The following VIPR1 variants were observed in gnomAD, a reference collection of about 807,000 sequenced individuals.
The protein encoded by VIPR1 is vasoactive intestinal polypeptide receptor 1.
In VIPR1, 59 loss-of-function variants were observed where a neutral mutation model predicts 58.8. The ratio of observed to expected loss-of-function variants is 1.00; its 90% CI spans 0.81 to 1.25. The LOEUF is 1.25. Ranked by LOEUF, VIPR1 falls within the 50% of genes most tolerant of loss-of-function variation. The pLI is 0.00. For missense variants in VIPR1, 626 were observed against 602.7 expected (o/e 1.04, Z -0.40); for synonymous variants, 251 against 242.1 (o/e 1.04, Z -0.34).
At chr3:42,513,653 T>A in intron 1 of VIPR1, 96 bp from the exon 2 acceptor site, 2 of 1,283,270 alleles carry the variant, frequency 1.6e-6, no homozygotes, top group Non-Finnish European at 2.2e-6. Flanking sequence ...AACTTGGATC[T>A]CTTCCAGGGA....
At chr3:42,496,102 T>C (rs1699754321) in intron 1 of VIPR1, among the ~76,000 whole-genome samples, 5 of 152,118 alleles carry the variant, frequency 3.3e-5, no homozygotes, top group Admixed American at 2.6e-4. Flanking sequence ...CCAGGCGTGG[T>C]GGCGTGTGCC....
chr3:42,524,700 T>C (rs1296971351), intron 3 of VIPR1, among the ~76,000 whole-genome samples: 1 of 152,138 alleles, frequency 6.6e-6, no homozygotes, highest in African/African-American at 2.4e-5. Context: ...CCTGAGCTCA[T>C]AGAACAGCTT....
chr3:42,535,053 T>C lies in VIPR1; in HGVS notation c.1089T>C (p.Asn363=). The part of the protein sequence containing the change: ...HYIMFAFFPD[N]FKPEVKMVFE... ...TCATGTTCGCCTTCTTTCCGGACAA[T>C]TTTAAGCCTGAAGTGAAGATGGTCT... is the stretch of plus-strand genomic sequence containing the variant. The change falls in exon 11 of 13, where the codon AAT becomes AAC. Residue 363 remains asparagine, a synonymous_variant. Transcript: ENST00000325123. 6.2e-7 allele frequency: 1 copy of C among 1,614,216 alleles called. No homozygotes were observed. The highest frequency in any genetic ancestry group is 8.5e-7 in the Non-Finnish European group (1 of 1,180,034).
At chr3:42,531,249 T>G in intron 7 of VIPR1, 1 of 617,394 alleles carries the variant, frequency 1.6e-6, no homozygotes, top group South Asian at 2.0e-5. Flanking sequence ...AGAAAGAGAA[T>G]GTCCGTCTAG....
At chr3:42,495,724 C>T (rs1236778763) in intron 1 of VIPR1, among the ~76,000 whole-genome samples, 1 of 152,030 alleles carries the variant, frequency 6.6e-6, no homozygotes, top group East Asian at 1.9e-4. Flanking sequence ...CAGAGAGAGT[C>T]ACATGGCTAG....
chr3:42,511,535 C>CTCT (rs1466197457), intron 1 of VIPR1, among the ~76,000 whole-genome samples: 12 of 152,030 alleles, frequency 7.9e-5, no homozygotes, highest in Non-Finnish European at 1.8e-4. Context: ...GGACATGGCA[C>CTCT]CAGAAGAGAG....
intron 1 of VIPR1, chr3:42,492,269 T>C (rs1027167089): frequency 2.6e-5 from 4 of 152,318 alleles, no homozygotes; most frequent in African/African-American, 9.7e-5. Flanking sequence ...GCAAACATCT[T>C]CCTGGCCTCC....
At chr3:42,531,428 T>G in intron 7 of VIPR1, 43 bp from the exon 8 acceptor site, 7 of 1,552,182 alleles carry the variant, frequency 4.5e-6, no homozygotes, top group Non-Finnish European at 6.1e-6. Flanking sequence ...TACCCCTGCT[T>G]CCTGTGCCCT....
Position 42,519,262 on chromosome 3 carries a change from C to G in VIPR1, c.224C>G (p.Ala75Gly). The change falls in exon 3 of 13, where the codon GCC becomes GGC. Residue 75 changes from alanine to glycine, a missense_variant. Transcript: ENST00000325123. Reference sequence around the variant, plus strand: ...TGGGACAACCTCACCTGCTGGCCAGCCACCCCTCGGGGCCAGGTAGTTGTC... The same window carrying G: ...TGGGACAACCTCACCTGCTGGCCAGGCACCCCTCGGGGCCAGGTAGTTGTC... ...KMWDNLTCWPATPRGQVVVLA... is the reference protein window; with the variant it reads ...KMWDNLTCWPGTPRGQVVVLA... The G allele has an allele frequency of 6.2e-7, 1 of 1,610,654 alleles. No homozygotes were observed. The highest frequency in any genetic ancestry group is 8.5e-7 in the Non-Finnish European group (1 of 1,178,490).
intron 3 of VIPR1, among the ~76,000 whole-genome samples, chr3:42,520,767 G>T (rs1700876289): frequency 6.6e-6 from 1 of 152,166 alleles, no homozygotes; most frequent in Non-Finnish European, 1.5e-5. Context: ...CGTTTGTAAA[G>T]TGGGGATAGG....
At chr3:42,512,921 A>ATC in intron 1 of VIPR1, 1 of 985,420 alleles carries the variant, frequency 1.0e-6, no homozygotes, top group Non-Finnish European at 1.2e-6. Flanking sequence ...CTAGACAGCC[A>ATC]TCACCCCCAC....
At chr3:42,504,748 G>C (rs185742082) in intron 1 of VIPR1, among the ~76,000 whole-genome samples, 6 of 144,504 alleles carry the variant, frequency 4.2e-5, no homozygotes, top group African/African-American at 1.4e-4. Flanking sequence ...AGCCGGACTC[G>C]GTGTGACGGC....
chr3:42,498,115 C>T (rs1324146577), upstream of VIPR1, among the ~76,000 whole-genome samples: 1 of 152,196 alleles, frequency 6.6e-6, no homozygotes, highest in Non-Finnish European at 1.5e-5. Flanking sequence ...TTCTCCATGC[C>T]TCAGTTTCCC....
intron 1 of VIPR1, among the ~76,000 whole-genome samples, chr3:42,503,318 G>A (rs1484621050): frequency 1.3e-5 from 2 of 152,136 alleles, no homozygotes; most frequent in African/African-American, 4.8e-5. Flanking sequence ...TCAGGTGAGT[G>A]ACAGGCACAT....
chr3:42,504,940 C>A (rs1193979180), intron 1 of VIPR1, among the ~76,000 whole-genome samples: 2 of 150,916 alleles, frequency 1.3e-5, no homozygotes, highest in Non-Finnish European at 3.0e-5. Flanking sequence ...AAGAAAACCT[C>A]CAGTGTCTCA....
rs577887480 is a variant in VIPR1, at chr3:42,507,683, T to G, written c.78+4870T>G. On this transcript the variant is annotated intron_variant, in intron 1 of 12. Coordinates refer to ENST00000325123, the MANE Select transcript of VIPR1 (RefSeq NM_004624.4). The stretch of plus-strand genomic sequence containing the variant: ...AAACTAAATGCTTAGCCTGTGTTCC[T>G]CTGCAAATAAAGGCTTCATGCCCCC... Among the ~76,000 whole-genome samples, 7 of 152,276 alleles carry G rather than the reference T, an allele frequency of 4.6e-5. No individual in the cohort carries two copies. The South Asian group carries it at 1.5e-3, about 32-fold the overall frequency.
chr3:42,516,060 T>A (rs1021810338), intron 2 of VIPR1, among the ~76,000 whole-genome samples: 1 of 152,186 alleles, frequency 6.6e-6, no homozygotes, highest in African/African-American at 2.4e-5. Flanking sequence ...TGTACTGGCA[T>A]GTACATGTCA....
intron 7 of VIPR1, 130 bp downstream of exon 7, chr3:42,531,062 T>A (rs1321415269): frequency 2.4e-6 from 3 of 1,242,788 alleles, no homozygotes; most frequent in Non-Finnish European, 3.4e-6. Context: ...CCTGCAAGGA[T>A]ATCAGCCAAG....
intron 1 of VIPR1, among the ~76,000 whole-genome samples, chr3:42,492,037 G>C (rs950093859): frequency 6.6e-6 from 1 of 152,178 alleles, no homozygotes; most frequent in Non-Finnish European, 1.5e-5. Context: ...AAGGGTGAGA[G>C]AAAGCAGTCA....
Sources: gnomAD v4.1 joint callset for allele counts (sites outside exome capture counted in the v4.1 genomes callset) on GRCh38, gnomAD v4.1.1 for gene constraint, MANE v1.5 for transcripts, NCBI Gene and HGNC (gene_info 2026-07-23, HGNC 2026-07-21) for gene names.